Variants in NKAIN2 observed in about 807,000 individuals in gnomAD.
The protein encoded by NKAIN2 is sodium/potassium transporting ATPase interacting 2, also known as sodium/potassium-transporting ATPase subunit beta-1-interacting protein 2.
In NKAIN2, 14 loss-of-function variants were observed where a neutral mutation model predicts 32.6. That is an observed-to-expected ratio of 0.43 (90% CI 0.28 to 0.67). The LOEUF is 0.67. Among genes scored for constraint, NKAIN2 ranks in the 30% least tolerant of loss-of-function variants. The probability of loss-of-function intolerance (pLI) is 0.17; values close to 1 mark genes in which losing one functional copy is unlikely to be tolerated. For synonymous variants in NKAIN2, 80 were observed against 87.2 expected (o/e 0.92, Z 0.46); for missense variants, 198 against 258.3 (o/e 0.77, Z 1.60).
intron 3 of NKAIN2, among the ~76,000 whole-genome samples, chr6:124,476,755 T>A (rs1438348149): frequency 6.6e-6 from 1 of 152,122 alleles, no homozygotes; most frequent in East Asian, 1.9e-4. Context: ...CACCCAATCT[T>A]GATAACAATG....
At chr6:124,121,688 A>G (rs989191799) in intron 1 of NKAIN2, among the ~76,000 whole-genome samples, 3 of 152,266 alleles carry the variant, frequency 2.0e-5, no homozygotes, top group South Asian at 4.1e-4. Context: ...AAGTTTTTCT[A>G]GGTAGCTAGG....
At chr6:124,747,907 T>G (rs763802455) in intron 4 of NKAIN2, among the ~76,000 whole-genome samples, 4 of 151,962 alleles carry the variant, frequency 2.6e-5, no homozygotes, top group Non-Finnish European at 4.4e-5. Context: ...CCTCATGATA[T>G]AGTCTTAGCA....
intron 3 of NKAIN2, among the ~76,000 whole-genome samples, chr6:124,592,582 A>G (rs2114964089): frequency 6.6e-6 from 1 of 152,344 alleles, no homozygotes; most frequent in African/African-American, 2.4e-5. Context: ...TCCTTTAGAT[A>G]ATTTTAAATA....
intron 1 of NKAIN2, among the ~76,000 whole-genome samples, chr6:124,055,186 A>G (rs1426660494): frequency 1.3e-5 from 2 of 152,078 alleles, no homozygotes; most frequent in African/African-American, 2.4e-5. Context: ...TAAATTCCAC[A>G]GATTTTGGTA....
chr6:124,399,724 G>C (rs1035999997), intron 3 of NKAIN2, among the ~76,000 whole-genome samples: 6 of 152,282 alleles, frequency 3.9e-5, no homozygotes, highest in Non-Finnish European at 8.8e-5. Flanking sequence ...AGAATTAAAA[G>C]AAGAACAGCC....
At chr6:124,047,010 A>T (rs1190140315) in intron 1 of NKAIN2, among the ~76,000 whole-genome samples, 1 of 152,030 alleles carries the variant, frequency 6.6e-6, no homozygotes, top group Admixed American at 6.6e-5. Flanking sequence ...TGTTTTGTAG[A>T]AAGCTCATTC....
Position 124,731,557 on chromosome 6 carries a change from T to G in NKAIN2, c.475-59782T>G, listed in dbSNP as rs1417705854. Among the ~76,000 whole-genome samples, 25 of 99,178 alleles carry G rather than the reference T, an allele frequency of 2.5e-4. 1 individual carries two copies. The East Asian group carries it at 6.7e-3, about 27-fold the overall frequency. The allele number at this position is 99,178 out of a possible 152,430, so 65.1% of individuals were successfully genotyped here. On this transcript the variant is annotated intron_variant, in intron 4 of 6. Coordinates refer to ENST00000368417, the MANE Select transcript of NKAIN2 (RefSeq NM_001040214.3). ...GGGAATATCACACTCTGGGGACTGT[T>G]GTGGGGTGGGGGGAGGGGGGAGGGA...
chr6:124,199,945 A>C (rs1484179583), intron 1 of NKAIN2, among the ~76,000 whole-genome samples: 1 of 152,194 alleles, frequency 6.6e-6, no homozygotes, highest in Non-Finnish European at 1.5e-5. Flanking sequence ...TTTCAGAAGC[A>C]TATAAATGTT....
At chr6:124,545,700 G>A (rs1471469516) in intron 3 of NKAIN2, among the ~76,000 whole-genome samples, 3 of 151,452 alleles carry the variant, frequency 2.0e-5, no homozygotes, top group African/African-American at 7.3e-5. Flanking sequence ...CCTTGCCTTT[G>A]TGTGCACCCA....
At chr6:124,114,532 A>T (rs1785522899) in intron 1 of NKAIN2, among the ~76,000 whole-genome samples, 2 of 152,128 alleles carry the variant, frequency 1.3e-5, no homozygotes, top group South Asian at 4.1e-4. Flanking sequence ...TTTGAAAATC[A>T]TCAGCATATA....
intron 5 of NKAIN2, among the ~76,000 whole-genome samples, chr6:124,810,556 C>T (rs1194300416): frequency 6.6e-6 from 1 of 152,012 alleles, no homozygotes; most frequent in Admixed American, 6.5e-5. Context: ...GTGGGTGCAG[C>T]ACACCAGCAT....
At chr6:124,634,767 G>A (rs1192212431) in intron 3 of NKAIN2, among the ~76,000 whole-genome samples, 1 of 151,942 alleles carries the variant, frequency 6.6e-6, no homozygotes, top group Non-Finnish European at 1.5e-5. Flanking sequence ...CAACCCAAAA[G>A]TGTTCTCTAT....
intron 2 of NKAIN2, among the ~76,000 whole-genome samples, chr6:124,346,977 T>G (rs988111038): frequency 5.9e-5 from 9 of 152,234 alleles, no homozygotes; most frequent in Admixed American, 2.0e-4. Flanking sequence ...TGGTACCGGT[T>G]GTGCCTTTCC....
chr6:124,190,497 A>G (rs951030697), intron 1 of NKAIN2, among the ~76,000 whole-genome samples: 1 of 152,194 alleles, frequency 6.6e-6, no homozygotes, highest in African/African-American at 2.4e-5. Flanking sequence ...CCAGTCTGGC[A>G]GGTTCTTTTG....
intron 1 of NKAIN2, among the ~76,000 whole-genome samples, chr6:123,945,775 A>G (rs888653838): frequency 1.3e-5 from 2 of 152,158 alleles, no homozygotes; most frequent in African/African-American, 2.4e-5. Context: ...AAATTCGTCA[A>G]TTGTGTCAAA....
At chr6:124,614,660 T>G (rs1226404738) in intron 3 of NKAIN2, among the ~76,000 whole-genome samples, 1 of 151,938 alleles carries the variant, frequency 6.6e-6, no homozygotes, top group Non-Finnish European at 1.5e-5. Flanking sequence ...ACTCTACTCT[T>G]TCCTTTAATG....
At chr6:124,136,687 C>A (rs565999800) in intron 1 of NKAIN2, among the ~76,000 whole-genome samples, 1 of 152,172 alleles carries the variant, frequency 6.6e-6, no homozygotes, top group East Asian at 1.9e-4. Context: ...ACCAGGGATG[C>A]AGGGACGGTT....
At chr6:124,770,021 C>T (rs1281749688) in intron 4 of NKAIN2, among the ~76,000 whole-genome samples, 1 of 152,090 alleles carries the variant, frequency 6.6e-6, no homozygotes, top group Non-Finnish European at 1.5e-5. Context: ...CAGGTAGTGG[C>T]CCTCTCTAGA....
intron 3 of NKAIN2, among the ~76,000 whole-genome samples, chr6:124,608,259 A>T (rs1023614809): frequency 2.6e-5 from 4 of 152,152 alleles, no homozygotes; most frequent in Admixed American, 2.0e-4. Flanking sequence ...CTTTTAGGGT[A>T]AAGAATACTT....
Sources: allele counts gnomAD v4.1 joint callset (sites outside exome capture counted in the v4.1 genomes callset), GRCh38; gene constraint gnomAD v4.1.1; transcripts MANE v1.5; gene names NCBI Gene and HGNC (gene_info 2026-07-23, HGNC 2026-07-21).